The following CACNG3 variants were observed in gnomAD, a reference collection of about 807,000 sequenced individuals.
CACNG3 encodes voltage-dependent calcium channel gamma-3 subunit.
In CACNG3, 3 loss-of-function variants were observed where a neutral mutation model predicts 28.5. The ratio of observed to expected loss-of-function variants is 0.11; its 90% CI spans 0.05 to 0.27. The LOEUF is 0.27. Ranked by LOEUF, CACNG3 falls within the 10% of genes least tolerant of loss-of-function variation. The probability of loss-of-function intolerance (pLI) is 1.00; values close to 1 mark genes in which losing one functional copy is unlikely to be tolerated. For missense variants in CACNG3, 236 were observed against 414.4 expected (o/e 0.57, Z 3.74); for synonymous variants, 174 against 162.2 (o/e 1.07, Z -0.55).
At chr16:24,261,062 A>G (rs930258641) in intron 1 of CACNG3, among the ~76,000 whole-genome samples, 1 of 152,208 alleles carries the variant, frequency 6.6e-6, no homozygotes, top group Non-Finnish European at 1.5e-5. Context: ...AGTTATGTGA[A>G]TGGTGAATGT....
chr16:24,262,353 C>A (rs1241760209), intron 1 of CACNG3, among the ~76,000 whole-genome samples: 1 of 152,130 alleles, frequency 6.6e-6, no homozygotes, highest in Non-Finnish European at 1.5e-5. Flanking sequence ...ACCCTGACTG[C>A]GTTTGAGGGT....
chr16:24,326,294 C>T (rs1460302291), intron 1 of CACNG3, among the ~76,000 whole-genome samples: 1 of 152,120 alleles, frequency 6.6e-6, no homozygotes, highest in Admixed American at 6.5e-5. Flanking sequence ...CCCTCAGCCT[C>T]CCGAGTAGCT....
intron 1 of CACNG3, among the ~76,000 whole-genome samples, chr16:24,281,679 A>G (rs1402715059): frequency 6.6e-6 from 1 of 152,200 alleles, no homozygotes; most frequent in Non-Finnish European, 1.5e-5. Context: ...ACGTGATTCA[A>G]TCTTGAAGTA....
In CACNG3 at chr16:24,320,466, G is replaced by A. The variant is rs1024071948; in HGVS notation, c.212-26268G>A. Among the ~76,000 whole-genome samples the A allele has an allele frequency of 1.5e-4, 23 of 152,274 alleles. No individual in the cohort carries two copies. In the East Asian group the frequency reaches 4.2e-3, roughly 28 times the overall value. ...CAGTTTGCTGCTGTATAAAATCCAA[G>A]GAACTTTTATTTTTTTCAGAGCTTT... On this transcript the variant is annotated intron_variant, in intron 1 of 3. Transcript: ENST00000005284.
chr16:24,350,993 C>T (rs1410674054), intron 2 of CACNG3, among the ~76,000 whole-genome samples: 3 of 152,338 alleles, frequency 2.0e-5, no homozygotes, highest in South Asian at 2.1e-4. Flanking sequence ...AGAGCTCACT[C>T]GCTGGGATGG....
rs576165143 is a variant in CACNG3 at position 24,281,378 on chromosome 16, T to C, written c.211+24413T>C. On this transcript the variant is annotated intron_variant, in intron 1 of 3. Transcript: ENST00000005284. ...ATACCCAGCTAAATTTTTTGACTTT[T>C]TTTTTTTGGTAGAGACAGGGGTCTT... is the stretch of plus-strand genomic sequence containing the variant. Among the ~76,000 whole-genome samples, 14 of 151,948 alleles carry C rather than the reference T, an allele frequency of 9.2e-5. No individual in the cohort carries two copies. The South Asian group carries it at 2.7e-3, about 29-fold the overall frequency.
chr16:24,356,583 T>A (rs1475351587), intron 3 of CACNG3, among the ~76,000 whole-genome samples: 1 of 152,082 alleles, frequency 6.6e-6, no homozygotes, highest in East Asian at 1.9e-4. Flanking sequence ...GTGCCTATAG[T>A]TCCAGGTAGT....
At position 24,290,405 on chromosome 16, in the gene CACNG3, C is replaced by T. The variant is rs57996934; in HGVS notation, c.211+33440C>T. On this transcript the variant is annotated intron_variant, in intron 1 of 3. Coordinates refer to ENST00000005284, the MANE Select transcript of CACNG3 (RefSeq NM_006539.4). ...CGTAAACTGAGCTTCCTGGCAGCCC[C>T]TTCACGAAGAGAAGCCTGTTCAATT... 2.0e-4 allele frequency among the ~76,000 whole-genome samples: 30 copies of T among 152,280 alleles called. 1 individual carries two copies. The East Asian group carries it at 4.1e-3, about 21-fold the overall frequency.
intron 1 of CACNG3, among the ~76,000 whole-genome samples, chr16:24,312,920 GAAGAAAGAAAGA>G (rs374395697): frequency 3.3e-4 from 40 of 122,126 alleles, no homozygotes; most frequent in South Asian, 1.5e-3. Context: ...AGGAAGGAAG[GAAGAAAGAAAGA>G]AAGAAAGAAA....
intron 1 of CACNG3, among the ~76,000 whole-genome samples, chr16:24,324,816 A>T (rs2141371317): frequency 6.6e-6 from 1 of 151,980 alleles, no homozygotes; most frequent in Non-Finnish European, 1.5e-5. Context: ...TTATGCTACT[A>T]CAAGGCCAGC....
rs1899195373 is a variant in CACNG3 at position 24,307,043 on chromosome 16, C to T, written c.212-39691C>T. 1.3e-5 allele frequency among the ~76,000 whole-genome samples: 2 copies of T among 152,190 alleles called. 1 individual carries two copies. Among genetic ancestry groups the T allele is most frequent in the South Asian group, 4.1e-4 (2 of 4,832 alleles). ...TCACACCCGCTTCCCAGAGGCTTCC[C>T]ACATCCAATAGCTGGGCAGTATGAG... On this transcript the variant is annotated intron_variant, in intron 1 of 3. Transcript: ENST00000005284.
At chr16:24,324,323 A>G (rs751057696) in intron 1 of CACNG3, among the ~76,000 whole-genome samples, 6 of 152,094 alleles carry the variant, frequency 3.9e-5, no homozygotes, top group Admixed American at 6.5e-5. Flanking sequence ...TCTGCAAGTG[A>G]ACTTCATTTC....
intron 1 of CACNG3, among the ~76,000 whole-genome samples, chr16:24,312,895 GGAAA>G (rs1378400299): frequency 1.6e-4 from 16 of 99,026 alleles, no homozygotes; most frequent in Non-Finnish European, 1.0e-4. Flanking sequence ...AGAAAGAAAA[GGAAA>G]GAAAGAAGGA....
intron 1 of CACNG3, among the ~76,000 whole-genome samples, chr16:24,266,967 TC>T (rs1725043413): frequency 6.7e-6 from 1 of 149,854 alleles, no homozygotes; most frequent in South Asian, 2.1e-4. Flanking sequence ...ATTTTTAATT[TC>T]TTTTTTTTTT....
At chr16:24,325,661 G>T (rs1055260811) in intron 1 of CACNG3, among the ~76,000 whole-genome samples, 1 of 152,240 alleles carries the variant, frequency 6.6e-6, no homozygotes, top group African/African-American at 2.4e-5. Flanking sequence ...CAACAAGCCC[G>T]ACAGGTAGGA....
chr16:24,329,786 A>G (rs528632771), intron 1 of CACNG3, among the ~76,000 whole-genome samples: 1 of 152,306 alleles, frequency 6.6e-6, no homozygotes, highest in East Asian at 1.9e-4. Flanking sequence ...TGTAATCCCA[A>G]CACTTTGGGA....
At chr16:24,342,729 A>G (rs1172323299) in intron 1 of CACNG3, among the ~76,000 whole-genome samples, 1 of 152,278 alleles carries the variant, frequency 6.6e-6, no homozygotes, top group Non-Finnish European at 1.5e-5. Flanking sequence ...TTGTGTTTCA[A>G]TAAAATTTTA....
intron 1 of CACNG3, among the ~76,000 whole-genome samples, chr16:24,345,982 A>G (rs1899859932): frequency 6.6e-6 from 1 of 152,208 alleles, no homozygotes; most frequent in Admixed American, 6.5e-5. Flanking sequence ...ACATCAACCT[A>G]AATAGCTACT....
chr16:24,285,271 T>C (rs1898878082), intron 1 of CACNG3, among the ~76,000 whole-genome samples: 1 of 152,124 alleles, frequency 6.6e-6, no homozygotes, highest in African/African-American at 2.4e-5. Context: ...TATCACAAGG[T>C]TACCAAAACC....
Sources: allele counts gnomAD v4.1 joint callset (sites outside exome capture counted in the v4.1 genomes callset), GRCh38; gene constraint gnomAD v4.1.1; transcripts MANE v1.5; gene names NCBI Gene and HGNC (gene_info 2026-07-23, HGNC 2026-07-21).